HS3ST4: variants seen among roughly 807,000 people sequenced by gnomAD.
The protein encoded by HS3ST4 is heparan sulfate glucosamine 3-O-sulfotransferase 4.
A neutral mutation model predicts 29.2 loss-of-function variants in HS3ST4; 17 were observed. The observed-to-expected ratio is 0.58, with a 90% confidence interval of 0.40 to 0.87. The LOEUF (loss-of-function observed/expected upper bound fraction) is 0.87. Among genes scored for constraint, HS3ST4 ranks in the 40% least tolerant of loss-of-function variants. The pLI is 0.00. For synonymous variants in HS3ST4, 314 were observed against 285.7 expected (o/e 1.10, Z -1.00); for missense variants, 627 against 634.5 (o/e 0.99, Z 0.13).
chr16:25,967,450 G>A (rs1327211655), intron 1 of HS3ST4, among the ~76,000 whole-genome samples: 1 of 152,050 alleles, frequency 6.6e-6, no homozygotes, highest in Non-Finnish European at 1.5e-5. Flanking sequence ...CACCGCGCCT[G>A]GCCTAATTCT....
intron 1 of HS3ST4, among the ~76,000 whole-genome samples, chr16:26,101,672 A>G (rs1311411836): frequency 6.6e-6 from 1 of 152,202 alleles, no homozygotes; most frequent in East Asian, 1.9e-4. Context: ...AAAGTTCCTT[A>G]ATCAGTGGTT....
intron 1 of HS3ST4, among the ~76,000 whole-genome samples, chr16:26,090,611 C>T (rs900429128): frequency 6.6e-6 from 1 of 151,990 alleles, no homozygotes; most frequent in Non-Finnish European, 1.5e-5. Context: ...TCCTCCACTG[C>T]CACACAGCAG....
chr16:25,848,787 C>CT (rs199812548), intron 1 of HS3ST4, among the ~76,000 whole-genome samples: 1,690 of 151,710 alleles, frequency 0.011, 34 homozygotes, highest in African/African-American at 0.038. Context: ...TATTCCTTCT[C>CT]TTTTTTTTGT....
intron 1 of HS3ST4, among the ~76,000 whole-genome samples, chr16:26,123,068 C>T (rs1387904698): frequency 6.9e-6 from 1 of 144,822 alleles, no homozygotes; most frequent in South Asian, 2.1e-4. Context: ...AAAAAAAAAA[C>T]CGGGGGCTTG....
At chr16:25,787,605 C>A (rs1423015757) in intron 1 of HS3ST4, among the ~76,000 whole-genome samples, 2 of 152,192 alleles carry the variant, frequency 1.3e-5, no homozygotes, top group Non-Finnish European at 2.9e-5. Flanking sequence ...GTCTGGGTCA[C>A]CTGCCACCTG....
intron 1 of HS3ST4, among the ~76,000 whole-genome samples, chr16:26,003,511 C>A (rs1474809271): frequency 6.6e-6 from 1 of 152,180 alleles, no homozygotes; most frequent in Admixed American, 6.5e-5. Flanking sequence ...CTCAGGCAGT[C>A]TCTCCCCTGG....
intron 1 of HS3ST4, among the ~76,000 whole-genome samples, chr16:26,043,751 A>G (rs1898233318): frequency 6.6e-6 from 1 of 152,172 alleles, no homozygotes; most frequent in South Asian, 2.1e-4. Flanking sequence ...CCGCTATGCT[A>G]GTAAAAAATT....
At chr16:25,754,434 T>C (rs1255089783) in intron 1 of HS3ST4, among the ~76,000 whole-genome samples, 2 of 150,974 alleles carry the variant, frequency 1.3e-5, no homozygotes, top group Non-Finnish European at 1.5e-5. Flanking sequence ...CTACCACCCA[T>C]CCATCTATCC....
At chr16:26,054,549 T>C (rs542166871) in intron 1 of HS3ST4, among the ~76,000 whole-genome samples, 7 of 152,262 alleles carry the variant, frequency 4.6e-5, no homozygotes, top group African/African-American at 1.7e-4. Context: ...TTGGAAGTTT[T>C]TGAGAACAAT....
chr16:25,988,267 AATGT>A (rs1969082141), intron 1 of HS3ST4, among the ~76,000 whole-genome samples: 1 of 152,152 alleles, frequency 6.6e-6, no homozygotes, highest in African/African-American at 2.4e-5. Context: ...TGTAATTAGG[AATGT>A]AAACATCTCC....
intron 1 of HS3ST4, among the ~76,000 whole-genome samples, chr16:25,752,343 T>A: frequency 6.6e-6 from 1 of 152,138 alleles, no homozygotes; most frequent in East Asian, 1.9e-4. Flanking sequence ...TGTGGATATG[T>A]GTACTTGGAC....
intron 1 of HS3ST4, among the ~76,000 whole-genome samples, chr16:26,118,905 A>AT (rs1899235057): frequency 6.6e-6 from 1 of 152,224 alleles, no homozygotes; most frequent in Admixed American, 6.5e-5. Flanking sequence ...ATAATGAGAC[A>AT]TTTTTGAAAG....
rs982697366 is a variant in HS3ST4 at position 25,964,734 on chromosome 16, G to A, written c.735-170878G>A. On this transcript the variant is annotated intron_variant, in intron 1 of 1. Transcript: ENST00000331351. ...TCTTGTATATTTTTCTTCCAGTTCC[G>A]GCCCAGAAGTAAACATTTCCTCATC... Among the ~76,000 whole-genome samples, 8 of 152,174 alleles carry A rather than the reference G, an allele frequency of 5.3e-5. No homozygotes were observed. In the South Asian group the frequency reaches 6.2e-4, roughly 12 times the overall value.
intron 1 of HS3ST4, among the ~76,000 whole-genome samples, chr16:25,953,617 G>C (rs958579295): frequency 6.6e-6 from 1 of 152,140 alleles, no homozygotes; most frequent in Non-Finnish European, 1.5e-5. Flanking sequence ...GATGGGTGGA[G>C]CATGAGTGGC....
At position 26,135,616 on chromosome 16, in the gene HS3ST4, G is replaced by C. The variant is rs1898272673; in HGVS notation, c.739G>C (p.Val247Leu). 1.3e-6 allele frequency: 2 copies of C among 1,590,034 alleles called. No individual in the cohort carries two copies. Among genetic ancestry groups the C allele is most frequent in the African/African-American group, 1.4e-5 (1 of 73,928 alleles). The change falls in exon 2 of 2, where the codon GTG becomes CTG. Residue 247 changes from valine to leucine, a missense_variant. Transcript: ENST00000331351. The stretch of plus-strand genomic sequence containing the variant: ...CCTTTTTCCTCCCTCTCCTAGAAAT[G>C]TGATGCCCAAGACTTTGGATGGGCA... ...YEKGLEWYRN[V>L]MPKTLDGQIT...
chr16:26,036,275 G>A, intron 1 of HS3ST4, among the ~76,000 whole-genome samples: 1 of 152,214 alleles, frequency 6.6e-6, no homozygotes, highest in East Asian at 1.9e-4. Flanking sequence ...GTCTATTCAT[G>A]GATTGGGGGA....
At chr16:26,013,520 C>T (rs1463657854) in intron 1 of HS3ST4, among the ~76,000 whole-genome samples, 1 of 152,170 alleles carries the variant, frequency 6.6e-6, no homozygotes, top group African/African-American at 2.4e-5. Context: ...TGCATTTATA[C>T]AGATTCACCC....
At chr16:25,999,257 A>G (rs1206076795) in intron 1 of HS3ST4, among the ~76,000 whole-genome samples, 2 of 152,188 alleles carry the variant, frequency 1.3e-5, no homozygotes, top group Non-Finnish European at 2.9e-5. Context: ...TGTACATGGT[A>G]GTACTAATTT....
At chr16:25,701,505 G>A (rs542440444) in intron 1 of HS3ST4, among the ~76,000 whole-genome samples, 17 of 152,178 alleles carry the variant, frequency 1.1e-4, no homozygotes, top group African/African-American at 3.6e-4. Flanking sequence ...AGAAAAGTGG[G>A]GGCCAGTTAA....
Sources: gnomAD v4.1 joint callset for allele counts (sites outside exome capture counted in the v4.1 genomes callset) on GRCh38, gnomAD v4.1.1 for gene constraint, MANE v1.5 for transcripts, NCBI Gene and HGNC (gene_info 2026-07-23, HGNC 2026-07-21) for gene names.